Variants in TNFSF13B observed in about 807,000 individuals in gnomAD.
The protein encoded by TNFSF13B is TNF superfamily member 13b, also known as tumor necrosis factor ligand superfamily member 13B.
TNFSF13B carries 8 observed loss-of-function variants against 29.1 expected under a neutral mutation model. The ratio of observed to expected loss-of-function variants is 0.27; its 90% CI spans 0.16 to 0.50. The LOEUF is 0.50. Among genes scored for constraint, TNFSF13B ranks in the 20% least tolerant of loss-of-function variants. TNFSF13B has a pLI of 0.98. For synonymous variants in TNFSF13B, 125 were observed against 130.8 expected (o/e 0.96, Z 0.30); for missense variants, 248 against 334.9 (o/e 0.74, Z 2.03).
At chr13:108,291,891 T>C (rs1173694441) in intron 3 of TNFSF13B, among the ~76,000 whole-genome samples, 3 of 152,142 alleles carry the variant, frequency 2.0e-5, no homozygotes, top group Non-Finnish European at 4.4e-5. Context: ...TTGCTTACTA[T>C]GTAGGCTATT....
chr13:108,302,374 C>A (rs1206339113), intron 3 of TNFSF13B, among the ~76,000 whole-genome samples: 1 of 152,016 alleles, frequency 6.6e-6, no homozygotes, highest in Non-Finnish European at 1.5e-5. Context: ...ATTTATACTC[C>A]CCAAATTTCC....
At chr13:108,277,310 A>G (rs1214451382) in intron 2 of TNFSF13B, among the ~76,000 whole-genome samples, 3 of 152,250 alleles carry the variant, frequency 2.0e-5, no homozygotes, top group Admixed American at 6.5e-5. Context: ...GAACAATAAA[A>G]TAGACAAGTT....
rs1239008702 is a variant in TNFSF13B, at chr13:108,308,392, A to T, written c.*1454A>T. ...AAAAGAAGAAGCGATAAGTGGAGTC[A>T]GTTTCAATGCTAGGTGGGGTGGTTA... On this transcript the variant is annotated 3_prime_UTR_variant, in exon 6 of 6. Coordinates refer to ENST00000375887, the MANE Select transcript of TNFSF13B (RefSeq NM_006573.5). 2.0e-5 allele frequency: 3 copies of T among 152,126 alleles called. No homozygotes were observed. The highest frequency in any genetic ancestry group is 7.2e-5 in the African/African-American group (3 of 41,450). The allele number at this position is 152,126 out of a possible 1,614,324, so 9.4% of individuals were successfully genotyped here. A position where few individuals can be genotyped will look rare whatever the true frequency, so the allele number is the denominator to read the frequency against.
At chr13:108,283,085 T>A (rs964812561) in intron 2 of TNFSF13B, among the ~76,000 whole-genome samples, 3 of 152,246 alleles carry the variant, frequency 2.0e-5, no homozygotes, top group Non-Finnish European at 4.4e-5. Context: ...CTCCTCTCTT[T>A]GTGAGGCAAA....
intron 3 of TNFSF13B, among the ~76,000 whole-genome samples, chr13:108,288,045 C>A (rs984333491): frequency 1.3e-5 from 2 of 152,120 alleles, no homozygotes; most frequent in African/African-American, 2.4e-5. Flanking sequence ...TCTAAGTAGT[C>A]CTACTTTAAA....
chr13:108,275,717 A>C (rs1360265685), intron 2 of TNFSF13B, among the ~76,000 whole-genome samples: 1 of 152,104 alleles, frequency 6.6e-6, no homozygotes, highest in Non-Finnish European at 1.5e-5. Flanking sequence ...GTTGGCATGT[A>C]CCCCTATCCA....
intron 2 of TNFSF13B, among the ~76,000 whole-genome samples, chr13:108,274,989 T>C (rs888026658): frequency 6.6e-6 from 1 of 152,174 alleles, no homozygotes; most frequent in Non-Finnish European, 1.5e-5. Context: ...TTGGCTTTAG[T>C]TTTGTTTTTC....
intron 1 of TNFSF13B, 38 bp from the exon 2 acceptor site, chr13:108,270,302 G>T (rs1880574898): frequency 6.2e-7 from 1 of 1,613,884 alleles, no homozygotes. Context: ...CCTCGCCTCA[G>T]CTGTCTTTCT....
At position 108,298,387 on chromosome 13, in the gene TNFSF13B, G is replaced by A. The variant is rs143474926; in HGVS notation, c.482-4866G>A. Among the ~76,000 whole-genome samples the A allele has an allele frequency of 9.8e-4, 143 of 145,826 alleles. 22 individuals are homozygous for A. The highest frequency in any genetic ancestry group is 3.4e-3 in the African/African-American group (134 of 38,864). ...ATGAGAGTCACAGAAGGAGAAGAGA[G>A]TTAAAATCTGAATAAATAATATTTG... On this transcript the variant is annotated intron_variant, in intron 3 of 5. Transcript: ENST00000375887.
Position 108,270,327 on chromosome 13 carries a change from T to C in TNFSF13B, c.340-13T>C, listed in dbSNP as rs772755923. On this transcript the variant is annotated splice_polypyrimidine_tract_variant and intron_variant, in intron 1 of 5. Transcript: ENST00000375887. ...GCTGTCTTTCTAATAACTTGAAGTT[T>C]TTCTGTTCATAGATCTTTGAACCAC... The C allele has an allele frequency of 6.2e-7, 1 of 1,614,186 alleles. No homozygotes were observed. The highest frequency in any genetic ancestry group is 8.5e-7 in the Non-Finnish European group (1 of 1,180,018).
rs1444417376 is a variant in TNFSF13B at position 108,298,921 on chromosome 13, A to G, written c.482-4332A>G. 4.1e-5 allele frequency among the ~76,000 whole-genome samples: 6 copies of G among 145,842 alleles called. 1 individual carries two copies. Among genetic ancestry groups the G allele is most frequent in the African/African-American group, 1.5e-4 (6 of 38,744 alleles). On this transcript the variant is annotated intron_variant, in intron 3 of 5. Coordinates refer to ENST00000375887, the MANE Select transcript of TNFSF13B (RefSeq NM_006573.5). The stretch of plus-strand genomic sequence containing the variant: ...CAGAGGCAGAGGTTGCAGTAAGCCA[A>G]GATGGCACCCCTGTCTCCAGCCTGG...
chr13:108,289,048 T>C (rs941083494), intron 3 of TNFSF13B, among the ~76,000 whole-genome samples: 1 of 152,010 alleles, frequency 6.6e-6, no homozygotes, highest in South Asian at 2.1e-4. Flanking sequence ...TGTTTGCAAC[T>C]TTTAATAAGC....
chr13:108,283,168 G>A (rs979929592), intron 2 of TNFSF13B, among the ~76,000 whole-genome samples: 1 of 152,214 alleles, frequency 6.6e-6, no homozygotes, highest in Admixed American at 6.5e-5. Context: ...TTAAAAGGCT[G>A]AATAGGAGAT....
At chr13:108,305,491 C>T (rs1234213100) in intron 5 of TNFSF13B, among the ~76,000 whole-genome samples, 1 of 152,058 alleles carries the variant, frequency 6.6e-6, no homozygotes, top group East Asian at 1.9e-4. Flanking sequence ...CCACCTAATC[C>T]TTAGAGTTAA....
intron 2 of TNFSF13B, 34 bp from the exon 3 acceptor site, chr13:108,286,769 C>G: frequency 2.0e-6 from 3 of 1,478,542 alleles, no homozygotes; most frequent in African/African-American, 1.4e-5. Flanking sequence ...TATTTCTACT[C>G]AAGTAACTAA....
chr13:108,292,630 T>A (rs1566405503), intron 3 of TNFSF13B, among the ~76,000 whole-genome samples: 1 of 152,134 alleles, frequency 6.6e-6, no homozygotes, highest in Non-Finnish European at 1.5e-5. Flanking sequence ...GCCTTCCTAC[T>A]GGGTGTGAAG....
At chr13:108,287,430 T>C (rs1227872601) in intron 3 of TNFSF13B, among the ~76,000 whole-genome samples, 2 of 152,138 alleles carry the variant, frequency 1.3e-5, no homozygotes, top group Admixed American at 6.5e-5. Flanking sequence ...TAAACCTACA[T>C]TTATTCAAAA....
intron 2 of TNFSF13B, among the ~76,000 whole-genome samples, chr13:108,284,229 T>C (rs1008095693): frequency 2.0e-5 from 3 of 152,148 alleles, no homozygotes; most frequent in African/African-American, 7.2e-5. Flanking sequence ...CTCGGGAGGC[T>C]GAGGCAGGAG....
intron 5 of TNFSF13B, among the ~76,000 whole-genome samples, chr13:108,304,736 C>G (rs903819224): frequency 6.6e-6 from 1 of 152,118 alleles, no homozygotes; most frequent in Non-Finnish European, 1.5e-5. Context: ...AAGGCATTTA[C>G]AAACAAATGC....
Sources: gnomAD v4.1 joint callset for allele counts (sites outside exome capture counted in the v4.1 genomes callset) on GRCh38, gnomAD v4.1.1 for gene constraint, MANE v1.5 for transcripts, NCBI Gene and HGNC (gene_info 2026-07-23, HGNC 2026-07-21) for gene names.